Variants in TTC7B observed in about 807,000 individuals in gnomAD.
TTC7B encodes the protein tetratricopeptide repeat domain 7B.
TTC7B carries 28 observed loss-of-function variants against 106.8 expected under a neutral mutation model. The ratio of observed to expected loss-of-function variants is 0.26; its 90% CI spans 0.19 to 0.36. The LOEUF is 0.36. Among genes scored for constraint, TTC7B ranks in the 10% least tolerant of loss-of-function variants. The pLI, the probability that TTC7B is intolerant of heterozygous loss-of-function variation, is 1.00. For synonymous variants in TTC7B, 405 were observed against 430.6 expected (o/e 0.94, Z 0.74); for missense variants, 862 against 1,076.4 (o/e 0.80, Z 2.79).
chr14:90,589,812 A>C (rs1009416855), intron 18 of TTC7B, among the ~76,000 whole-genome samples: 50 of 152,256 alleles, frequency 3.3e-4, no homozygotes, highest in Admixed American at 2.7e-3. Flanking sequence ...GCTTTGAAAG[A>C]GTCAACATGG....
At chr14:90,546,033 G>A (rs939294424) in intron 19 of TTC7B, among the ~76,000 whole-genome samples, 3 of 152,206 alleles carry the variant, frequency 2.0e-5, no homozygotes, top group African/African-American at 7.2e-5. Flanking sequence ...ACTTGCCAGG[G>A]GCTGCCAGCT....
chr14:90,562,087 G>C (rs1484609717), intron 19 of TTC7B, among the ~76,000 whole-genome samples: 1 of 151,974 alleles, frequency 6.6e-6, no homozygotes, highest in African/African-American at 2.4e-5. Context: ...AGCTGCTGCT[G>C]CCCCCAAAAC....
intron 6 of TTC7B, among the ~76,000 whole-genome samples, chr14:90,694,159 C>T (rs918939481): frequency 2.0e-5 from 3 of 152,058 alleles, no homozygotes; most frequent in Non-Finnish European, 4.4e-5. Flanking sequence ...CCCAGCTACT[C>T]GGAGGCTGGG....
Position 90,618,039 on chromosome 14 carries a change from C to T in TTC7B, c.1758G>A (p.Leu586=). 6.2e-7 allele frequency: 1 copy of T among 1,611,298 alleles called. No homozygotes were observed. The highest frequency in any genetic ancestry group is 1.1e-5 in the South Asian group (1 of 91,020). The stretch of plus-strand genomic sequence containing the variant: ...GTGACTGCAACTTCACTTTGGAAAA[C>T]AGTAGTCTGCAGTGGGGAGACAAAG... ...LSEYPENFIL[L]FSKVKLQSLC... Residue 586 remains leucine, a synonymous_variant, in exon 16 of 20, where the codon CTG becomes CTA. Transcript: ENST00000328459.
chr14:90,758,246 C>G (rs1425455460), intron 3 of TTC7B, among the ~76,000 whole-genome samples: 2 of 151,054 alleles, frequency 1.3e-5, no homozygotes, highest in Non-Finnish European at 3.0e-5. Context: ...GCACCACTGT[C>G]CCGGTGGCCG....
intron 1 of TTC7B, among the ~76,000 whole-genome samples, chr14:90,792,048 A>G (rs1255428096): frequency 2.0e-5 from 3 of 152,064 alleles, no homozygotes; most frequent in Non-Finnish European, 2.9e-5. Flanking sequence ...CCAGAACCCA[A>G]CTGAGGGCCT....
chr14:90,729,969 C>T (rs1889263282), intron 5 of TTC7B, 106 bp downstream of exon 5: 1 of 1,215,236 alleles, frequency 8.2e-7, no homozygotes, highest in Non-Finnish European at 1.1e-6. Context: ...AATGGTAGTT[C>T]ATATTTAAAA....
chr14:90,735,727 C>T (rs1889497165), intron 4 of TTC7B, among the ~76,000 whole-genome samples: 1 of 151,266 alleles, frequency 6.6e-6, no homozygotes, highest in African/African-American at 2.4e-5. Context: ...AAAAAACCTA[C>T]TAAAGTCTAT....
chr14:90,755,253 G>A (rs1890253251), intron 3 of TTC7B, among the ~76,000 whole-genome samples: 1 of 152,134 alleles, frequency 6.6e-6, no homozygotes. Flanking sequence ...TATACCTAGG[G>A]TGGACCACGT....
chr14:90,622,163 G>A (rs1180707985), intron 15 of TTC7B, among the ~76,000 whole-genome samples: 2 of 150,196 alleles, frequency 1.3e-5, no homozygotes, highest in Admixed American at 1.3e-4. Flanking sequence ...TGTTGCCCAG[G>A]CTGGAGTGCG....
At position 90,771,433 on chromosome 14, in the gene TTC7B, A is replaced by C. The variant is rs147835656; in HGVS notation, c.445+9305T>G. 6.3e-4 allele frequency among the ~76,000 whole-genome samples: 96 copies of C among 152,228 alleles called. No homozygotes were observed. In the East Asian group the frequency reaches 0.012, roughly 19 times the overall value. Reference sequence around the variant, plus strand: ...CAACGTCCAAACCCCATCTCTACAAAAAATACAAAAATTAACCAGGTGTGG... The same window carrying C: ...CAACGTCCAAACCCCATCTCTACAACAAATACAAAAATTAACCAGGTGTGG... On this transcript the variant is annotated intron_variant, in intron 3 of 19. Coordinates refer to ENST00000328459, the MANE Select transcript of TTC7B (RefSeq NM_001010854.2).
intron 1 of TTC7B, among the ~76,000 whole-genome samples, chr14:90,796,143 G>T (rs1342571834): frequency 1.3e-5 from 2 of 152,148 alleles, no homozygotes; most frequent in African/African-American, 4.8e-5. Context: ...GGTGACCCCG[G>T]CCCACTTAAC....
At chr14:90,714,401 G>A (rs1742086) in intron 5 of TTC7B, among the ~76,000 whole-genome samples, 19,057 of 151,902 alleles carry the variant, frequency 0.13, 1,331 homozygotes, top group Middle Eastern at 0.16. Context: ...GGAACTTTTC[G>A]AGCTAAAGGG....
intron 15 of TTC7B, among the ~76,000 whole-genome samples, chr14:90,633,486 C>T (rs988213009): frequency 3.3e-5 from 5 of 152,154 alleles, no homozygotes; most frequent in African/African-American, 4.8e-5. Flanking sequence ...TTAAATCCCA[C>T]CATAAAAGTA....
chr14:90,639,730 A>G (rs980374045), intron 15 of TTC7B, among the ~76,000 whole-genome samples: 1 of 152,246 alleles, frequency 6.6e-6, no homozygotes, highest in African/African-American at 2.4e-5. Flanking sequence ...GAAGATTTAC[A>G]AGCACTGTTC....
intron 17 of TTC7B, among the ~76,000 whole-genome samples, chr14:90,594,464 C>T (rs1207332691): frequency 6.6e-6 from 1 of 152,168 alleles, no homozygotes; most frequent in Non-Finnish European, 1.5e-5. Context: ...CAGAGGCTTG[C>T]TTCCCATCTC....
chr14:90,623,111 C>T (rs751939496), intron 15 of TTC7B, among the ~76,000 whole-genome samples: 1 of 152,098 alleles, frequency 6.6e-6, no homozygotes, highest in East Asian at 1.9e-4. Context: ...CTCACTGAAG[C>T]CAGCCTTAAG....
At chr14:90,606,729 G>A (rs896926013) in intron 17 of TTC7B, among the ~76,000 whole-genome samples, 2 of 152,166 alleles carry the variant, frequency 1.3e-5, no homozygotes, top group Non-Finnish European at 2.9e-5. Context: ...AGTTTGACAT[G>A]TCTGTTTAAT....
intron 15 of TTC7B, among the ~76,000 whole-genome samples, chr14:90,621,621 C>T (rs1482064414): frequency 6.6e-6 from 1 of 152,132 alleles, no homozygotes; most frequent in African/African-American, 2.4e-5. Flanking sequence ...TCAGCTGGGA[C>T]AATGGGCAGA....
Sources: allele counts gnomAD v4.1 joint callset (sites outside exome capture counted in the v4.1 genomes callset), GRCh38; gene constraint gnomAD v4.1.1; transcripts MANE v1.5; gene names NCBI Gene and HGNC (gene_info 2026-07-23, HGNC 2026-07-21).